TEKT5: variants seen among roughly 807,000 people sequenced by gnomAD.
TEKT5 encodes the protein tektin-5.
In TEKT5, 52 loss-of-function variants were observed where a neutral mutation model predicts 48.7. The ratio of observed to expected loss-of-function variants is 1.07; its 90% CI spans 0.86 to 1.35. The LOEUF (loss-of-function observed/expected upper bound fraction) is 1.35, where lower values mean the gene tolerates loss of function less well. Ranked by LOEUF, TEKT5 falls within the 40% of genes most tolerant of loss-of-function variation. The pLI is 0.00. For synonymous variants in TEKT5, 318 were observed against 267.6 expected, an observed-to-expected ratio of 1.19 and a Z score of -1.84; for missense variants, 831 against 641.6, an observed-to-expected ratio of 1.30 and a Z score of -3.19.
rs180876037 is a variant in TEKT5 at position 10,650,919 on chromosome 16, G to C, written c.1087-15001C>G. ...AAAAAGCCACACCCACTGTATCTGGGGGGCAGCCCCTGCTTGTGCACTAGA... is the reference window on the plus strand; with the variant it reads ...AAAAAGCCACACCCACTGTATCTGGCGGGCAGCCCCTGCTTGTGCACTAGA... On this transcript the variant is annotated intron_variant, in intron 5 of 6. Transcript: ENST00000283025. Among the ~76,000 whole-genome samples the C allele has an allele frequency of 3.3e-5, 5 of 152,096 alleles. No individual in the cohort carries two copies. The East Asian group carries it at 9.7e-4, about 29-fold the overall frequency.
At chr16:10,655,581 G>T (rs527855980) in intron 5 of TEKT5, among the ~76,000 whole-genome samples, 77 of 152,276 alleles carry the variant, frequency 5.1e-4, no homozygotes, top group South Asian at 1.5e-3. Context: ...CACTATAAAA[G>T]ACTACATTTT....
intron 6 of TEKT5, among the ~76,000 whole-genome samples, chr16:10,629,597 T>C (rs1322433819): frequency 1.3e-5 from 2 of 152,136 alleles, no homozygotes; most frequent in African/African-American, 4.8e-5. Flanking sequence ...CTTGTCTAGA[T>C]AAGAGCCTCA....
intron 5 of TEKT5, among the ~76,000 whole-genome samples, chr16:10,659,370 C>CTTAT (rs879415737): frequency 5.3e-5 from 8 of 152,036 alleles, no homozygotes; most frequent in South Asian, 4.2e-4. Flanking sequence ...TGTGTTATAC[C>CTTAT]TTATTTATTT....
At position 10,635,099 on chromosome 16, in the gene TEKT5, G is replaced by A. The variant is rs1897894803; in HGVS notation, c.1241+665C>T. Among the ~76,000 whole-genome samples the A allele has an allele frequency of 2.6e-5, 4 of 152,072 alleles. No individual in the cohort carries two copies. In the South Asian group the frequency reaches 8.3e-4, roughly 32 times the overall value. ...CAAGTGGTTTGCCCCAAGTCATACA[G>A]CACGTTCATGGGAAATAATCCCCAT... On this transcript the variant is annotated intron_variant, in intron 6 of 6. Coordinates refer to ENST00000283025, the MANE Select transcript of TEKT5 (RefSeq NM_144674.2).
chr16:10,683,283 G>A (rs188767049), intron 3 of TEKT5, among the ~76,000 whole-genome samples: 3 of 152,312 alleles, frequency 2.0e-5, no homozygotes, highest in East Asian at 3.9e-4. Flanking sequence ...GGAACTGGGT[G>A]GAGTCAGGGG....
At chr16:10,661,409 C>T (rs1474942643) in intron 5 of TEKT5, among the ~76,000 whole-genome samples, 1 of 152,214 alleles carries the variant, frequency 6.6e-6, no homozygotes, top group African/African-American at 2.4e-5. Context: ...GGCCCCACCC[C>T]AGATCTCAGC....
intron 5 of TEKT5, among the ~76,000 whole-genome samples, chr16:10,675,016 G>C (rs1300343024): frequency 1.3e-5 from 2 of 151,984 alleles, no homozygotes; most frequent in Non-Finnish European, 2.9e-5. Flanking sequence ...AGTAGAGCCA[G>C]GGTTTCACCA....
In TEKT5 at chr16:10,694,878, C is replaced by T. The variant is rs1436244880; in HGVS notation, c.-5G>A. On this transcript the variant is annotated 5_prime_UTR_variant, in exon 1 of 7. Transcript: ENST00000283025. ...AGTAGTCCCAAGAAACTCCATCCTC[C>T]CTCATGAGCCCCACTCGGGCAAAAC... is the stretch of plus-strand genomic sequence containing the variant. The T allele has an allele frequency of 6.5e-7, 1 of 1,534,912 alleles. No individual in the cohort carries two copies. Among genetic ancestry groups the T allele is most frequent in the South Asian group, 1.3e-5 (1 of 77,300 alleles).
intron 3 of TEKT5, among the ~76,000 whole-genome samples, chr16:10,684,443 T>G (rs1898819173): frequency 6.6e-6 from 1 of 151,424 alleles, no homozygotes; most frequent in South Asian, 2.1e-4. Context: ...GGTGAGGGGT[T>G]CCCAGCAGGC....
At position 10,688,926 on chromosome 16, in the gene TEKT5, T is replaced by G. The variant is rs573666563; in HGVS notation, c.719+327A>C. On this transcript the variant is annotated intron_variant, in intron 3 of 6. Coordinates refer to ENST00000283025, the MANE Select transcript of TEKT5 (RefSeq NM_144674.2). ...CTAAGAGGGGCCTCAGGGAGGCCAG[T>G]TGCCTCTGGCCAGGGCTCTCGCTGT... Among the ~76,000 whole-genome samples the G allele has an allele frequency of 3.9e-5, 6 of 152,206 alleles. 1 individual carries two copies. In the South Asian group the frequency reaches 1.0e-3, roughly 26 times the overall value.
intron 5 of TEKT5, among the ~76,000 whole-genome samples, chr16:10,642,741 T>G (rs1185607777): frequency 2.0e-5 from 3 of 152,174 alleles, no homozygotes; most frequent in Non-Finnish European, 4.4e-5. Context: ...GGGCAGAAAG[T>G]TAAACACCAC....
At chr16:10,657,212 G>A (rs1039759616) in intron 5 of TEKT5, among the ~76,000 whole-genome samples, 2 of 150,018 alleles carry the variant, frequency 1.3e-5, no homozygotes, top group African/African-American at 2.5e-5. Context: ...TGCAACCTCC[G>A]TTTGCCAGGT....
At chr16:10,664,274 G>A (rs1441851375) in intron 5 of TEKT5, among the ~76,000 whole-genome samples, 1 of 152,156 alleles carries the variant, frequency 6.6e-6, no homozygotes, top group African/African-American at 2.4e-5. Context: ...CTGCAGGGAG[G>A]GAAGGAAGAG....
intron 5 of TEKT5, among the ~76,000 whole-genome samples, chr16:10,659,217 A>G (rs1006190977): frequency 6.6e-6 from 1 of 152,246 alleles, no homozygotes; most frequent in East Asian, 1.9e-4. Flanking sequence ...ATGTGCGCAC[A>G]CACGTAAAAA....
In TEKT5 at chr16:10,631,820, C is replaced by A. The variant is rs139271018; in HGVS notation, c.1241+3944G>T. On this transcript the variant is annotated intron_variant, in intron 6 of 6. Transcript: ENST00000283025. The stretch of plus-strand genomic sequence containing the variant: ...GCTGGGAGAGTGGAAGGGAACAGAG[C>A]CTCTCTCAGAGCCTCCAGGAACAGC... Among the ~76,000 whole-genome samples the A allele has an allele frequency of 6.6e-5, 10 of 152,290 alleles. No individual in the cohort carries two copies. The East Asian group carries it at 1.7e-3, about 26-fold the overall frequency.
At chr16:10,681,371 CTCTCT>C (rs1898745915) in intron 4 of TEKT5, among the ~76,000 whole-genome samples, 2 of 30,738 alleles carry the variant, frequency 6.5e-5, no homozygotes, top group Non-Finnish European at 1.1e-4. Context: ...CCAGATTCCA[CTCTCT>C]GTCTCTCTCT....
intron 5 of TEKT5, among the ~76,000 whole-genome samples, chr16:10,665,368 T>C (rs1159733101): frequency 2.0e-5 from 3 of 152,212 alleles, no homozygotes; most frequent in Non-Finnish European, 2.9e-5. Context: ...AAGCATATGA[T>C]TGGCTGTCAC....
intron 6 of TEKT5, among the ~76,000 whole-genome samples, chr16:10,629,929 G>C (rs754081426): frequency 2.0e-5 from 3 of 152,038 alleles, no homozygotes; most frequent in Non-Finnish European, 4.4e-5. Flanking sequence ...ACTTTCCGAG[G>C]GGAGGACTTT....
chr16:10,687,476 T>C (rs1340736657), intron 3 of TEKT5, among the ~76,000 whole-genome samples: 1 of 152,266 alleles, frequency 6.6e-6, no homozygotes, highest in Non-Finnish European at 1.5e-5. Flanking sequence ...CCAGGCGCAG[T>C]GACTCATGCC....
Sources: gnomAD v4.1 joint callset for allele counts (sites outside exome capture counted in the v4.1 genomes callset) on GRCh38, gnomAD v4.1.1 for gene constraint, MANE v1.5 for transcripts, NCBI Gene and HGNC (gene_info 2026-07-23, HGNC 2026-07-21) for gene names.